The following GRK3 variants were observed in gnomAD, a reference collection of about 807,000 sequenced individuals.
The protein encoded by GRK3 is adrenergic, beta, receptor kinase 2.
GRK3 carries 54 observed loss-of-function variants against 95.7 expected under a neutral mutation model. The observed-to-expected ratio is 0.56, with a 90% CI of 0.45 to 0.71. The LOEUF (loss-of-function observed/expected upper bound fraction) is 0.71. GRK3 is among the 30% of genes least tolerant of loss of function. The pLI is 0.00. For missense variants in GRK3, 649 were observed against 851.2 expected (o/e 0.76, Z 2.96); for synonymous variants, 281 against 290.8 (o/e 0.97, Z 0.34).
intron 8 of GRK3, among the ~76,000 whole-genome samples, chr22:25,677,377 TAAAAAAAAAAAAAAA>T (rs376997700): frequency 4.7e-4 from 20 of 42,564 alleles, no homozygotes; most frequent in African/African-American, 1.8e-3. Context: ...CCCCATATCT[TAAAAAAAAAAAAAAA>T]AAAAAAAAAG....
At chr22:25,660,157 T>C (rs1295715080) in intron 3 of GRK3, among the ~76,000 whole-genome samples, 1 of 152,170 alleles carries the variant, frequency 6.6e-6, no homozygotes, top group Non-Finnish European at 1.5e-5. Flanking sequence ...AAGCCAAAAA[T>C]CTTTGATTTA....
intron 2 of GRK3, among the ~76,000 whole-genome samples, chr22:25,644,150 TG>T (rs1241351243): frequency 0.019 from 2,804 of 151,170 alleles, 45 homozygotes; most frequent in Middle Eastern, 0.049. Flanking sequence ...TTTTTTTGTT[TG>T]TTTGTTTTTT....
chr22:25,693,917 G>A (rs563273339), intron 12 of GRK3, among the ~76,000 whole-genome samples: 88 of 150,930 alleles, frequency 5.8e-4, no homozygotes, highest in African/African-American at 2.1e-3. Flanking sequence ...TCAGCCTCCC[G>A]AGTAACTGGG....
Position 25,565,257 on chromosome 22 carries a change from G to T in GRK3, c.113+104G>T. ...TCGGGCGCTGAGCCTCCGCTGCCCCGGGGCGGGTGACACAGCGGAGCGGGC... is the reference window on the plus strand; with the variant it reads ...TCGGGCGCTGAGCCTCCGCTGCCCCTGGGCGGGTGACACAGCGGAGCGGGC... On this transcript the variant is annotated intron_variant, in intron 1 of 20. Transcript: ENST00000324198. 3 of 486,946 alleles carry T rather than the reference G, an allele frequency of 6.2e-6. No individual in the cohort carries two copies. The South Asian group carries it at 8.9e-5, about 14-fold the overall frequency. 30.2% of individuals were successfully genotyped at this position (486,946 alleles called of 1,614,324 possible).
chr22:25,566,030 A>T (rs911525721), intron 1 of GRK3, among the ~76,000 whole-genome samples: 4 of 152,112 alleles, frequency 2.6e-5, no homozygotes, highest in African/African-American at 4.8e-5. Context: ...TACTAGTAAA[A>T]TTTTTTCTAG....
chr22:25,655,033 T>C (rs9941971), intron 3 of GRK3, among the ~76,000 whole-genome samples: 13,904 of 152,166 alleles, frequency 0.091, 784 homozygotes, highest in Middle Eastern at 0.19. Flanking sequence ...TTGAAGTTAT[T>C]AGTAATTCTT....
intron 18 of GRK3, among the ~76,000 whole-genome samples, chr22:25,716,743 A>G (rs1319543230): frequency 6.6e-6 from 1 of 152,254 alleles, no homozygotes; most frequent in Non-Finnish European, 1.5e-5. Context: ...AATAAAAAAT[A>G]ATGCAAATAA....
In GRK3 at chr22:25,685,162, C is replaced by T. The variant is rs538290908; in HGVS notation, c.748-8C>T. On this transcript the variant is annotated splice_region_variant and splice_polypyrimidine_tract_variant and intron_variant, in intron 9 of 20. Coordinates refer to ENST00000324198, the MANE Select transcript of GRK3 (RefSeq NM_005160.4). The stretch of plus-strand genomic sequence containing the variant: ...CTCTTCTTATAAACTTTTATTGTTT[C>T]ACTCTAGGACTGTCCTTTCATTGTA... 13 of 1,598,408 alleles carry T rather than the reference C, an allele frequency of 8.1e-6. No homozygotes were observed. Among genetic ancestry groups the T allele is most frequent in the African/African-American group, 2.7e-5 (2 of 74,658 alleles).
At chr22:25,609,084 T>A (rs1198040949) in intron 2 of GRK3, among the ~76,000 whole-genome samples, 1 of 152,220 alleles carries the variant, frequency 6.6e-6, no homozygotes, top group African/African-American at 2.4e-5. Flanking sequence ...TGACACAGTA[T>A]GTTTGGTTTT....
At chr22:25,674,901 T>A (rs2085014972) in intron 8 of GRK3, among the ~76,000 whole-genome samples, 1 of 151,534 alleles carries the variant, frequency 6.6e-6, no homozygotes, top group Admixed American at 6.6e-5. Flanking sequence ...GTGAGCGGAG[T>A]TTGCCACTGC....
intron 13 of GRK3, among the ~76,000 whole-genome samples, chr22:25,698,587 T>G (rs988686171): frequency 6.6e-6 from 1 of 151,310 alleles, no homozygotes; most frequent in Non-Finnish European, 1.5e-5. Context: ...AGGGAAGGAG[T>G]GCTGAGGGAG....
intron 1 of GRK3, among the ~76,000 whole-genome samples, chr22:25,587,542 C>T (rs1268352380): frequency 1.3e-5 from 2 of 152,200 alleles, no homozygotes; most frequent in Non-Finnish European, 2.9e-5. Flanking sequence ...AATCCTGCCA[C>T]GTCAGCCTCC....
chr22:25,592,046 C>T (rs897862490), intron 1 of GRK3, among the ~76,000 whole-genome samples: 19 of 152,186 alleles, frequency 1.2e-4, no homozygotes. Context: ...TAACTTTACT[C>T]TCTAAGAAGC....
At chr22:25,571,521 G>A (rs780491195) in intron 1 of GRK3, among the ~76,000 whole-genome samples, 1 of 152,132 alleles carries the variant, frequency 6.6e-6, no homozygotes, top group South Asian at 2.1e-4. Context: ...AATATTAAAA[G>A]AAATGATTAA....
At chr22:25,687,742 CAT>C (rs1420137026) in intron 11 of GRK3, 75 bp downstream of exon 11, 32 of 1,521,580 alleles carry the variant, frequency 2.1e-5, no homozygotes, top group African/African-American at 2.7e-5. Flanking sequence ...CCTTCTATTT[CAT>C]AGAGTCCTGT....
intron 2 of GRK3, among the ~76,000 whole-genome samples, chr22:25,643,026 G>C (rs1272417703): frequency 6.6e-6 from 1 of 152,142 alleles, no homozygotes; most frequent in Admixed American, 6.5e-5. Context: ...CAAATATTTT[G>C]AAATTAAACT....
At chr22:25,675,995 C>A (rs1232735510) in intron 8 of GRK3, among the ~76,000 whole-genome samples, 1 of 152,176 alleles carries the variant, frequency 6.6e-6, no homozygotes, top group Non-Finnish European at 1.5e-5. Context: ...AAGTTTGGGA[C>A]CTCTCAATGC....
intron 13 of GRK3, among the ~76,000 whole-genome samples, chr22:25,698,697 G>C (rs561113394): frequency 6.6e-6 from 1 of 152,140 alleles, no homozygotes; most frequent in South Asian, 2.1e-4. Flanking sequence ...GCTTTTCAGC[G>C]GAGCAGTGGC....
intron 1 of GRK3, among the ~76,000 whole-genome samples, chr22:25,575,332 G>A (rs752014375): frequency 2.6e-5 from 4 of 152,204 alleles, no homozygotes; most frequent in African/African-American, 4.8e-5. Flanking sequence ...ATAGATGATG[G>A]TGGAGCAGAT....
Sources: allele counts gnomAD v4.1 joint callset (sites outside exome capture counted in the v4.1 genomes callset), GRCh38; gene constraint gnomAD v4.1.1; transcripts MANE v1.5; gene names NCBI Gene and HGNC (gene_info 2026-07-23, HGNC 2026-07-21).